The following RPS6KA2 variants were observed in gnomAD, a reference collection of about 807,000 sequenced individuals.
The protein encoded by RPS6KA2 is ribosomal protein S6 kinase alpha-2.
In RPS6KA2, 42 loss-of-function variants were observed where a neutral mutation model predicts 91.8. The observed-to-expected ratio is 0.46, with a 90% CI of 0.36 to 0.59. The LOEUF (loss-of-function observed/expected upper bound fraction) is 0.59. Among genes scored for constraint, RPS6KA2 ranks in the 20% least tolerant of loss-of-function variants. RPS6KA2 has a pLI of 0.00. For synonymous variants in RPS6KA2, 414 were observed against 393.6 expected (o/e 1.05, Z -0.61); for missense variants, 798 against 978.5 (o/e 0.82, Z 2.46).
chr6:166,737,300 G>C lies in RPS6KA2; in HGVS notation c.123+120900C>G, dbSNP rs56118197. ...TATTGGCGTCTCTCCCTAATAAATC[G>C]TGTGGCTGCCATGACCCTTCACCCC... On this transcript the variant is annotated intron_variant, in intron 2 of 21. Coordinates refer to the RPS6KA2 transcript ENST00000503859. This position sits in a 1 kb window ranked among gnomAD's most constrained non-coding sequence, Gnocchi z 4.3. 0.069 allele frequency among the ~76,000 whole-genome samples: 10,454 copies of C among 152,154 alleles called. 560 individuals carry two copies. Among genetic ancestry groups the C allele is most frequent in the African/African-American group, 0.15 (6,147 of 41,482 alleles).
rs562309339 is a variant in RPS6KA2, at chr6:166,736,244, T to C, written c.123+121956A>G. 3.3e-5 allele frequency among the ~76,000 whole-genome samples: 5 copies of C among 152,368 alleles called. No homozygotes were observed. The South Asian group carries it at 1.0e-3, about 32-fold the overall frequency. The stretch of plus-strand genomic sequence containing the variant: ...TTGAAGTTATTTGTCTCAAAGTATA[T>C]TCAATCCACTGGGTCATTTTGTTCT... On this transcript the variant is annotated intron_variant, in intron 2 of 21. Transcript: ENST00000503859.
chr6:166,862,281 C>G (rs1781065185), exon 1 of RPS6KA2: 3 of 1,584,550 alleles, frequency 1.9e-6, no homozygotes, highest in South Asian at 2.2e-5. Context: ...AGCCAAGGGA[C>G]GCAGAGGCCG....
Position 166,737,420 on chromosome 6 carries a change from G to A in RPS6KA2, c.123+120780C>T, listed in dbSNP as rs1194838323. Among the ~76,000 whole-genome samples, 1 of 152,126 alleles carries A rather than the reference G, an allele frequency of 6.6e-6. No homozygotes were observed. The highest frequency in any genetic ancestry group is 2.4e-5 in the African/African-American group (1 of 41,418). ...TCCCTTAGATTTGTAGGCATGCATA[G>A]CCAGACACCTCGAGAAATGACGCAC... On this transcript the variant is annotated intron_variant, in intron 2 of 21. Coordinates refer to the RPS6KA2 transcript ENST00000503859. This position sits in a 1 kb window ranked among gnomAD's most constrained non-coding sequence, Gnocchi z 4.3.
At chr6:166,561,149 C>T (rs1339384489) in intron 1 of RPS6KA2, among the ~76,000 whole-genome samples, 1 of 152,120 alleles carries the variant, frequency 6.6e-6, no homozygotes, top group African/African-American at 2.4e-5. Context: ...TTCCTGGGTG[C>T]ACTTGTGCAC....
intron 16 of RPS6KA2, 109 bp downstream of exon 16, chr6:166,430,344 T>TC: frequency 1.0e-6 from 1 of 999,042 alleles, no homozygotes; most frequent in Non-Finnish European, 1.5e-6. Flanking sequence ...ACGGAAGGAA[T>TC]TCCAGGACAA....
intron 2 of RPS6KA2, among the ~76,000 whole-genome samples, chr6:166,753,454 A>T (rs1777908361): frequency 6.6e-6 from 1 of 152,230 alleles, no homozygotes; most frequent in African/African-American, 2.4e-5. Flanking sequence ...TGAACACAAA[A>T]TGTCCTATAT....
intron 2 of RPS6KA2, among the ~76,000 whole-genome samples, chr6:166,831,982 T>G (rs562120059): frequency 6.6e-6 from 1 of 151,832 alleles, no homozygotes; most frequent in South Asian, 2.1e-4. Flanking sequence ...AGATAATAGA[T>G]ACACAGATAT....
intron 1 of RPS6KA2, among the ~76,000 whole-genome samples, chr6:166,621,342 A>G (rs1340189326): frequency 6.6e-6 from 1 of 152,172 alleles, no homozygotes; most frequent in Admixed American, 6.5e-5. Context: ...TAGCTGCACC[A>G]TTATTTTCCC....
At chr6:166,708,062 C>T (rs1189527423) in intron 2 of RPS6KA2, among the ~76,000 whole-genome samples, 3 of 152,112 alleles carry the variant, frequency 2.0e-5, no homozygotes, top group African/African-American at 4.8e-5. Context: ...ATTTCTTTTG[C>T]TAATATTGTA....
intron 10 of RPS6KA2, among the ~76,000 whole-genome samples, chr6:166,485,888 A>AG (rs1313427187): frequency 6.6e-6 from 1 of 152,084 alleles, no homozygotes; most frequent in Non-Finnish European, 1.5e-5. Flanking sequence ...CCCCACCCTC[A>AG]GGGGGTGAGG....
At chr6:166,657,376 C>A (rs1040346187) in intron 2 of RPS6KA2, among the ~76,000 whole-genome samples, 1 of 151,410 alleles carries the variant, frequency 6.6e-6, no homozygotes. Flanking sequence ...TAAACAGATA[C>A]GAGAGAAAAG....
chr6:166,656,407 CG>C (rs1166476750), intron 2 of RPS6KA2, among the ~76,000 whole-genome samples: 1 of 152,110 alleles, frequency 6.6e-6, no homozygotes, highest in African/African-American at 2.4e-5. Flanking sequence ...AAGGGTTGGG[CG>C]GGGGTGGAAC....
At chr6:166,525,542 C>A (rs1221759008) in intron 3 of RPS6KA2, among the ~76,000 whole-genome samples, 1 of 152,174 alleles carries the variant, frequency 6.6e-6, no homozygotes, top group Non-Finnish European at 1.5e-5. Flanking sequence ...CCGTCGGAAG[C>A]CATTATCCTC....
At chr6:166,756,777 C>T (rs1010637561) in intron 2 of RPS6KA2, among the ~76,000 whole-genome samples, 2 of 152,112 alleles carry the variant, frequency 1.3e-5, no homozygotes, top group Non-Finnish European at 1.5e-5. Flanking sequence ...ACCCGGGAGG[C>T]GGAGGTTGTG....
intron 2 of RPS6KA2, among the ~76,000 whole-genome samples, chr6:166,714,664 C>T (rs993691630): frequency 3.9e-5 from 6 of 152,178 alleles, no homozygotes; most frequent in African/African-American, 1.2e-4. Context: ...GCACCCGAAC[C>T]GCCTGAAGCA....
At position 166,760,509 on chromosome 6, in the gene RPS6KA2, G is replaced by T. The variant is rs368016984; in HGVS notation, c.123+97691C>A. On this transcript the variant is annotated intron_variant, in intron 2 of 21. Transcript: ENST00000503859. ...ACCGCCCCCACCCCCATCGCGGTCT[G>T]GTTTGAGACTGTGAGGACTCCAGGT... Among the ~76,000 whole-genome samples, 10 of 152,340 alleles carry T rather than the reference G, an allele frequency of 6.6e-5. No individual in the cohort carries two copies. The East Asian group carries it at 1.7e-3, about 26-fold the overall frequency.
intron 14 of RPS6KA2, among the ~76,000 whole-genome samples, chr6:166,444,631 G>A (rs535725714): frequency 5.9e-5 from 9 of 152,338 alleles, no homozygotes; most frequent in East Asian, 1.9e-4. Flanking sequence ...AGTGCCGTGC[G>A]CGTGAGAAGG....
intron 2 of RPS6KA2, chr6:166,701,419 A>G: frequency 7.9e-7 from 1 of 1,264,700 alleles, no homozygotes; most frequent in Non-Finnish European, 1.2e-6. Flanking sequence ...TCATTTTTCC[A>G]TAATTCTTCC....
chr6:166,438,350 C>T (rs1004629183), intron 14 of RPS6KA2, among the ~76,000 whole-genome samples: 4 of 152,212 alleles, frequency 2.6e-5, no homozygotes, highest in African/African-American at 7.2e-5. Context: ...AACGGTCTCA[C>T]GTGAGTACAG....
Sources: allele counts gnomAD v4.1 joint callset (sites outside exome capture counted in the v4.1 genomes callset), GRCh38; gene constraint gnomAD v4.1.1; non-coding constraint Gnocchi (gnomAD v3.1); transcripts MANE v1.5; gene names NCBI Gene and HGNC (gene_info 2026-07-23, HGNC 2026-07-21).